ANTXR1: variants seen among roughly 807,000 people sequenced by gnomAD.
ANTXR1 encodes the protein ANTXR cell adhesion molecule 1.
ANTXR1 carries 19 observed loss-of-function variants against 78.1 expected under a neutral mutation model. That is an observed-to-expected ratio of 0.24 (90% CI 0.17 to 0.36). ANTXR1 has a LOEUF of 0.36. ANTXR1 is among the 10% of genes least tolerant of loss of function. The pLI, the probability that ANTXR1 is intolerant of heterozygous loss-of-function variation, is 1.00. For synonymous variants in ANTXR1, 273 were observed against 260.5 expected, an observed-to-expected ratio of 1.05 and a Z score of -0.46; for missense variants, 518 against 718.6, an observed-to-expected ratio of 0.72 and a Z score of 3.19.
chr2:69,130,202 C>T (rs536489096), intron 12 of ANTXR1, among the ~76,000 whole-genome samples: 3 of 152,270 alleles, frequency 2.0e-5, no homozygotes, highest in Non-Finnish European at 2.9e-5. Flanking sequence ...TCAGGATTTG[C>T]TTTGTACTGG....
intron 12 of ANTXR1, among the ~76,000 whole-genome samples, chr2:69,139,514 T>C (rs1673010831): frequency 6.6e-6 from 1 of 152,240 alleles, no homozygotes; most frequent in Admixed American, 6.5e-5. Flanking sequence ...AATAAGTTCT[T>C]GGTTTATTGA....
intron 17 of ANTXR1, among the ~76,000 whole-genome samples, chr2:69,235,651 C>CAAAAAAAAAAAAAAAAAAAAAAAAAAA (rs554310438): frequency 3.4e-5 from 2 of 58,226 alleles, no homozygotes; most frequent in Non-Finnish European, 7.1e-5. Context: ...AACCCCGTCT[C>CAAAAAAAAAAAAAAAAAAAAAAAAAAA]AAAAAAAAAA....
At chr2:69,186,029 G>A (rs924591830) in intron 16 of ANTXR1, among the ~76,000 whole-genome samples, 9 of 151,970 alleles carry the variant, frequency 5.9e-5, no homozygotes, top group Admixed American at 3.9e-4. Flanking sequence ...TTGACCCCCC[G>A]CAGGCACCAG....
At chr2:69,080,054 A>C (rs770039017) in intron 8 of ANTXR1, among the ~76,000 whole-genome samples, 1 of 152,236 alleles carries the variant, frequency 6.6e-6, no homozygotes, top group Non-Finnish European at 1.5e-5. Flanking sequence ...AACTAATTTG[A>C]GACTTTAGTC....
chr2:69,078,346 T>A (rs985807482), intron 8 of ANTXR1, among the ~76,000 whole-genome samples: 1 of 152,206 alleles, frequency 6.6e-6, no homozygotes, highest in Non-Finnish European at 1.5e-5. Flanking sequence ...ACTGGCAGCT[T>A]ACCAGGCTAC....
intron 10 of ANTXR1, among the ~76,000 whole-genome samples, chr2:69,105,501 A>C (rs990048752): frequency 6.6e-6 from 1 of 152,236 alleles, no homozygotes; most frequent in Non-Finnish European, 1.5e-5. Context: ...TCACCTGTTC[A>C]TTTCCATGGA....
chr2:69,155,426 A>AAAT (rs1316246600), intron 13 of ANTXR1, among the ~76,000 whole-genome samples: 2 of 152,146 alleles, frequency 1.3e-5, no homozygotes, highest in Non-Finnish European at 2.9e-5. Context: ...ATATTTTCCC[A>AAAT]AATAATAATA....
At chr2:69,160,309 C>G (rs1673645080) in intron 13 of ANTXR1, among the ~76,000 whole-genome samples, 1 of 152,180 alleles carries the variant, frequency 6.6e-6, no homozygotes, top group South Asian at 2.1e-4. Flanking sequence ...ATGCTTATGC[C>G]TGCCGGTGAA....
At chr2:69,148,786 G>A (rs1262262095) in intron 12 of ANTXR1, among the ~76,000 whole-genome samples, 1 of 152,146 alleles carries the variant, frequency 6.6e-6, no homozygotes, top group Admixed American at 6.5e-5. Flanking sequence ...GACACAAAAG[G>A]TACAGGATAT....
chr2:69,245,612 A>G lies in ANTXR1; in HGVS notation c.*127A>G, dbSNP rs1293305789. On this transcript the variant is annotated 3_prime_UTR_variant, in exon 18 of 18. Transcript: ENST00000303714. ...TCACACATTCTAAAAATTGGTTGGC[A>G]ATGCCAGTATACCAACAATCATGAT... The G allele has an allele frequency of 3.3e-5, 45 of 1,352,778 alleles. No individual in the cohort carries two copies. In the Admixed American group the frequency reaches 9.3e-4, roughly 28 times the overall value. 83.8% of individuals were successfully genotyped at this position (1,352,778 alleles called of 1,614,324 possible). A position where few individuals can be genotyped will look rare whatever the true frequency, so the allele number is the denominator to read the frequency against.
chr2:69,208,369 C>G (rs73937204), intron 17 of ANTXR1, among the ~76,000 whole-genome samples: 1 of 152,162 alleles, frequency 6.6e-6, no homozygotes, highest in Non-Finnish European at 1.5e-5. Context: ...AAGGCAGCCA[C>G]TAGTCACATG....
chr2:69,189,270 G>A (rs575552031), intron 16 of ANTXR1, among the ~76,000 whole-genome samples: 17 of 152,154 alleles, frequency 1.1e-4, no homozygotes, highest in Non-Finnish European at 1.9e-4. Flanking sequence ...CAGCTCACCC[G>A]GATCAAGCAT....
At chr2:69,198,538 C>T (rs955365121) in intron 17 of ANTXR1, among the ~76,000 whole-genome samples, 2 of 152,176 alleles carry the variant, frequency 1.3e-5, no homozygotes, top group Admixed American at 1.3e-4. Flanking sequence ...ATCCTTATGA[C>T]ATTTAAAGTC....
intron 12 of ANTXR1, among the ~76,000 whole-genome samples, chr2:69,125,295 C>A (rs546967397): frequency 6.6e-6 from 1 of 152,288 alleles, no homozygotes; most frequent in South Asian, 2.1e-4. Flanking sequence ...AAGTAGTTTT[C>A]ATTCCTGGCT....
chr2:69,142,683 G>A (rs1673101428), intron 12 of ANTXR1, among the ~76,000 whole-genome samples: 1 of 152,184 alleles, frequency 6.6e-6, no homozygotes, highest in Admixed American at 6.5e-5. Context: ...TGGTACCTGA[G>A]CAAAGACTTG....
At chr2:69,228,249 G>A (rs1675511527) in intron 17 of ANTXR1, among the ~76,000 whole-genome samples, 1 of 152,186 alleles carries the variant, frequency 6.6e-6, no homozygotes, top group Non-Finnish European at 1.5e-5. Flanking sequence ...AAGGGTTGCT[G>A]CAGGGCACTG....
At chr2:69,168,788 GCA>G (rs1022220177) in intron 13 of ANTXR1, among the ~76,000 whole-genome samples, 1 of 152,236 alleles carries the variant, frequency 6.6e-6, no homozygotes, top group Non-Finnish European at 1.5e-5. Context: ...GAGTGGGTGA[GCA>G]CAATCATGGC....
At chr2:69,062,498 A>C (rs948010899) in intron 3 of ANTXR1, among the ~76,000 whole-genome samples, 3 of 152,198 alleles carry the variant, frequency 2.0e-5, no homozygotes, top group African/African-American at 7.2e-5. Flanking sequence ...AGGGAACATG[A>C]ATCTAACAAA....
intron 6 of ANTXR1, among the ~76,000 whole-genome samples, chr2:69,074,797 T>C (rs1323030001): frequency 6.6e-6 from 1 of 152,236 alleles, no homozygotes; most frequent in African/African-American, 2.4e-5. Context: ...TATTGAGCAC[T>C]CGCTCTATGT....
Sources: allele counts gnomAD v4.1 joint callset (sites outside exome capture counted in the v4.1 genomes callset), GRCh38; gene constraint gnomAD v4.1.1; transcripts MANE v1.5; gene names NCBI Gene and HGNC (gene_info 2026-07-23, HGNC 2026-07-21).